Variants in FOXP2 observed in about 807,000 individuals in gnomAD.
The protein encoded by FOXP2 is forkhead box protein P2.
In FOXP2, 12 loss-of-function variants were observed where a neutral mutation model predicts 115.8. The ratio of observed to expected loss-of-function variants is 0.10; its 90% confidence interval spans 0.07 to 0.17. The LOEUF is 0.17. FOXP2 is among the 10% of genes least tolerant of loss of function. The pLI is 1.00. For synonymous variants in FOXP2, 328 were observed against 297.7 expected, an observed-to-expected ratio of 1.10 and a Z score of -1.05; for missense variants, 629 against 843.5, an observed-to-expected ratio of 0.75 and a Z score of 3.15.
At chr7:114,107,845 C>T (rs1223427834) in intron 1 of FOXP2, among the ~76,000 whole-genome samples, 2 of 151,818 alleles carry the variant, frequency 1.3e-5, no homozygotes, top group Non-Finnish European at 2.9e-5. Flanking sequence ...ACGGTCTGGT[C>T]CTGCCCTAGA....
At chr7:114,347,462 G>T (rs1024180166) in intron 2 of FOXP2, among the ~76,000 whole-genome samples, 2 of 151,842 alleles carry the variant, frequency 1.3e-5, no homozygotes, top group African/African-American at 4.8e-5. Flanking sequence ...TCCATTGATT[G>T]ATCAGTAGTT....
upstream of FOXP2, chr7:114,087,629 G>GCACGT (rs1220528948): frequency 2.0e-5 from 3 of 147,174 alleles, no homozygotes; most frequent in African/African-American, 7.4e-5. Context: ...GTGCGGCGGC[G>GCACGT]GCGGCGGCGC....
intron 2 of FOXP2, among the ~76,000 whole-genome samples, chr7:114,524,479 TAC>T (rs757787196): frequency 0.048 from 7,351 of 152,168 alleles, 234 homozygotes; most frequent in Admixed American, 0.094. Flanking sequence ...TTTTCCTGAC[TAC>T]CCCTTGTAGA....
intron 1 of FOXP2, among the ~76,000 whole-genome samples, chr7:114,233,089 T>C (rs758036570): frequency 2.0e-5 from 3 of 152,146 alleles, no homozygotes; most frequent in African/African-American, 4.8e-5. Context: ...AGATCTGCTG[T>C]GAAAAATTGT....
At chr7:114,310,642 C>T (rs915405130) in intron 2 of FOXP2, among the ~76,000 whole-genome samples, 3 of 151,968 alleles carry the variant, frequency 2.0e-5, no homozygotes, top group Non-Finnish European at 2.9e-5. Flanking sequence ...CCTTTCTCCT[C>T]TTTAGATTCT....
intron 2 of FOXP2, among the ~76,000 whole-genome samples, chr7:114,503,319 T>A (rs75383939): frequency 0.041 from 6,205 of 151,738 alleles, 212 homozygotes; most frequent in Non-Finnish European, 0.064. Flanking sequence ...ATAAAGATTT[T>A]AAAATTTTTT....
intron 1 of FOXP2, among the ~76,000 whole-genome samples, chr7:114,257,785 A>G (rs1206520500): frequency 1.3e-5 from 2 of 152,150 alleles, no homozygotes. Context: ...GCATGAAGGA[A>G]GTGAGCAAAC....
chr7:114,162,876 C>A (rs968087509), upstream of FOXP2: 3 of 151,736 alleles, frequency 2.0e-5, no homozygotes, highest in African/African-American at 7.3e-5. Context: ...TTCAACCCCC[C>A]AGTACAGTAA....
At chr7:114,224,918 A>G (rs779545351) in intron 1 of FOXP2, among the ~76,000 whole-genome samples, 2 of 152,186 alleles carry the variant, frequency 1.3e-5, no homozygotes, top group Non-Finnish European at 2.9e-5. Flanking sequence ...AGATTTAAAG[A>G]AGTGAATAGA....
intron 1 of FOXP2, among the ~76,000 whole-genome samples, chr7:114,090,595 C>T (rs1326201174): frequency 3.3e-5 from 5 of 151,740 alleles, no homozygotes; most frequent in African/African-American, 1.2e-4. Flanking sequence ...AAGGTAATCC[C>T]TGTGCTTGAA....
chr7:114,199,231 A>T (rs943316687), intron 1 of FOXP2, among the ~76,000 whole-genome samples: 1 of 152,216 alleles, frequency 6.6e-6, no homozygotes, highest in African/African-American at 2.4e-5. Context: ...AGTGACAACT[A>T]GATATGTTTT....
intron 2 of FOXP2, among the ~76,000 whole-genome samples, chr7:114,407,661 C>A (rs1429364554): frequency 6.6e-6 from 1 of 152,112 alleles, no homozygotes; most frequent in African/African-American, 2.4e-5. Flanking sequence ...CATTTATGAG[C>A]AAACAGTGCT....
intron 2 of FOXP2, among the ~76,000 whole-genome samples, chr7:114,300,448 T>C (rs1796852254): frequency 6.6e-6 from 1 of 152,040 alleles, no homozygotes; most frequent in Admixed American, 6.6e-5. Context: ...AAGATTTTCA[T>C]TTTCCTATTT....
chr7:114,597,728 C>T (rs1225818036), intron 3 of FOXP2, among the ~76,000 whole-genome samples: 3 of 152,230 alleles, frequency 2.0e-5, no homozygotes, highest in African/African-American at 7.2e-5. Context: ...ACAAAAGCAC[C>T]TTGTAGGTTA....
intron 2 of FOXP2, among the ~76,000 whole-genome samples, chr7:114,371,659 T>C (rs1584673345): frequency 6.6e-6 from 1 of 152,226 alleles, no homozygotes; most frequent in East Asian, 1.9e-4. Flanking sequence ...TTTAAAATTA[T>C]AATATGTTTA....
chr7:114,555,960 C>T (rs1800434757), intron 3 of FOXP2, among the ~76,000 whole-genome samples: 2 of 152,186 alleles, frequency 1.3e-5, no homozygotes, highest in South Asian at 2.1e-4. Flanking sequence ...TCCCTCATCT[C>T]TACCTGTCAG....
intron 16 of FOXP2, among the ~76,000 whole-genome samples, chr7:114,676,789 A>G (rs192481324): frequency 2.5e-4 from 38 of 152,344 alleles, no homozygotes; most frequent in African/African-American, 8.2e-4. Flanking sequence ...TGCAATTAGT[A>G]AACCACATAC....
intron 1 of FOXP2, among the ~76,000 whole-genome samples, chr7:114,264,908 T>C (rs539028677): frequency 2.6e-5 from 4 of 152,046 alleles, no homozygotes; most frequent in African/African-American, 9.6e-5. Flanking sequence ...TCATGAGAAG[T>C]CACTCACTAT....
At chr7:114,393,666 A>G (rs771951539) in intron 2 of FOXP2, among the ~76,000 whole-genome samples, 1 of 152,164 alleles carries the variant, frequency 6.6e-6, no homozygotes, top group Non-Finnish European at 1.5e-5. Context: ...GAAGGCATCT[A>G]TGTGGAAGAA....
Sources: gnomAD v4.1 joint callset for allele counts (sites outside exome capture counted in the v4.1 genomes callset) on GRCh38, gnomAD v4.1.1 for gene constraint, MANE v1.5 for transcripts, NCBI Gene and HGNC (gene_info 2026-07-23, HGNC 2026-07-21) for gene names.